GAP43: variants seen among roughly 807,000 people sequenced by gnomAD.
GAP43 encodes the protein growth associated protein 43.
A neutral mutation model predicts 18.6 loss-of-function variants in GAP43; 6 were observed. The observed-to-expected ratio is 0.32, with a 90% CI of 0.18 to 0.64. The LOEUF is 0.64. GAP43 is among the 30% of genes least tolerant of loss of function. GAP43 has a pLI of 0.78. For synonymous variants in GAP43, 115 were observed against 111.4 expected (o/e 1.03, Z -0.20); for missense variants, 292 against 295.5 (o/e 0.99, Z 0.09).
chr3:115,707,242 A>G (rs1478182646), intron 2 of GAP43, among the ~76,000 whole-genome samples: 1 of 152,194 alleles, frequency 6.6e-6, no homozygotes, highest in Non-Finnish European at 1.5e-5. Context: ...GTGAGAGGTT[A>G]AGTAATTTAC....
chr3:115,640,757 A>G (rs1180429352), intron 1 of GAP43, among the ~76,000 whole-genome samples: 1 of 152,106 alleles, frequency 6.6e-6, no homozygotes, highest in East Asian at 1.9e-4. Flanking sequence ...TCAAGAGGTC[A>G]GGTCTATGTT....
At chr3:115,719,709 T>G (rs1709553703) in intron 2 of GAP43, among the ~76,000 whole-genome samples, 1 of 152,210 alleles carries the variant, frequency 6.6e-6, no homozygotes, top group Non-Finnish European at 1.5e-5. Context: ...TGCTTTGTGT[T>G]TTTTCGCTGC....
intron 2 of GAP43, among the ~76,000 whole-genome samples, chr3:115,714,873 GCACACA>G (rs111292409): frequency 6.6e-6 from 1 of 150,390 alleles, no homozygotes; most frequent in African/African-American, 2.4e-5. Flanking sequence ...GTGTGCGCGT[GCACACA>G]CACACACACA....
intron 2 of GAP43, among the ~76,000 whole-genome samples, chr3:115,697,931 C>T (rs527722148): frequency 2.1e-5 from 3 of 143,992 alleles, no homozygotes; most frequent in South Asian, 2.2e-4. Flanking sequence ...TTTTCCCATG[C>T]GGGAGCATTT....
At chr3:115,687,684 G>A (rs969977950) in intron 2 of GAP43, among the ~76,000 whole-genome samples, 68 of 152,170 alleles carry the variant, frequency 4.5e-4, no homozygotes, top group African/African-American at 1.6e-3. Flanking sequence ...CTAGGATTGG[G>A]GTCCTATCTC....
At position 115,676,418 on chromosome 3, in the gene GAP43, G is replaced by T. The variant is rs1428631877; in HGVS notation, c.436G>T (p.Ala146Ser). The T allele has an allele frequency of 1.2e-5, 19 of 1,613,892 alleles. No homozygotes were observed. The highest frequency in any genetic ancestry group is 1.5e-5 in the Non-Finnish European group (18 of 1,179,944). Residue 146 changes from alanine (A) to serine (S), a missense_variant, in exon 2 of 3, where the codon GCT becomes TCT. By Grantham distance (99) the Ala-to-Ser change is moderately conservative. Transcript: ENST00000305124. ...GSAETESATK[A>S]STDNSPSSKA... ...AGCTGAGACAGAAAGTGCCACTAAAGCTTCCACTGATAACTCGCCGTCCTC... is the reference window on the plus strand; with the variant it reads ...AGCTGAGACAGAAAGTGCCACTAAATCTTCCACTGATAACTCGCCGTCCTC...
chr3:115,718,293 G>A (rs1170534624), intron 2 of GAP43, among the ~76,000 whole-genome samples: 1 of 152,108 alleles, frequency 6.6e-6, no homozygotes, highest in Non-Finnish European at 1.5e-5. Flanking sequence ...AAACTACCTT[G>A]GGCATACTTG....
chr3:115,654,548 G>C (rs902986799), intron 1 of GAP43, among the ~76,000 whole-genome samples: 13 of 152,066 alleles, frequency 8.5e-5, no homozygotes, highest in African/African-American at 2.7e-4. Flanking sequence ...CTGCCTTCCT[G>C]GGGCACAACG....
intron 2 of GAP43, among the ~76,000 whole-genome samples, chr3:115,695,261 G>A (rs573829461): frequency 6.6e-6 from 1 of 152,292 alleles, no homozygotes; most frequent in South Asian, 2.1e-4. Context: ...AATGGAATGT[G>A]ACACACCCTT....
chr3:115,663,044 A>T (rs1272369092), intron 1 of GAP43, among the ~76,000 whole-genome samples: 1 of 152,188 alleles, frequency 6.6e-6, no homozygotes, highest in African/African-American at 2.4e-5. Flanking sequence ...CTCCCTGCAG[A>T]ACCACAAAGT....
chr3:115,711,389 A>C (rs1277946966), intron 2 of GAP43, among the ~76,000 whole-genome samples: 1 of 152,170 alleles, frequency 6.6e-6, no homozygotes, highest in African/African-American at 2.4e-5. Context: ...ATTTATGGCA[A>C]GCTCACAAGA....
At chr3:115,698,298 T>TA (rs1559804554) in intron 2 of GAP43, among the ~76,000 whole-genome samples, 2 of 62,494 alleles carry the variant, frequency 3.2e-5, no homozygotes, top group African/African-American at 1.2e-4. Flanking sequence ...ATATATATAT[T>TA]ATATATAAAA....
At position 115,623,623 on chromosome 3, in the gene GAP43, G is replaced by A. The variant is rs975544658; in HGVS notation, c.-67G>A. 22 of 1,593,820 alleles carry A rather than the reference G, an allele frequency of 1.4e-5. No individual in the cohort carries two copies. The highest frequency in any genetic ancestry group is 3.3e-5 in the Admixed American group (2 of 59,838). On this transcript the variant is annotated 5_prime_UTR_variant, in exon 1 of 3. Transcript: ENST00000305124. The stretch of plus-strand genomic sequence containing the variant: ...AAGCGAGCAGAAAAGAGGTGGAGAG[G>A]GGGGGAATAAGAAAGAGAGAGAAGG...
intron 1 of GAP43, among the ~76,000 whole-genome samples, chr3:115,673,425 TAG>T (rs1481911183): frequency 1.3e-5 from 2 of 152,184 alleles, no homozygotes; most frequent in Admixed American, 1.3e-4. Flanking sequence ...CTTGAGTCAC[TAG>T]AGAGTCTTTT....
At chr3:115,695,175 G>C (rs1291166989) in intron 2 of GAP43, among the ~76,000 whole-genome samples, 1 of 152,148 alleles carries the variant, frequency 6.6e-6, no homozygotes, top group Non-Finnish European at 1.5e-5. Context: ...TTAGTGCTTG[G>C]AAAACCTTAA....
At chr3:115,709,762 T>C (rs2918078) in intron 2 of GAP43, among the ~76,000 whole-genome samples, 82,771 of 151,824 alleles carry the variant, frequency 0.55, 23,286 homozygotes, top group East Asian at 0.73. Flanking sequence ...ATCAGTCATA[T>C]TGTAACTGTC....
chr3:115,661,830 G>GTTTTTTTTTTTTTTT (rs1576986136), intron 1 of GAP43, among the ~76,000 whole-genome samples: 2 of 28,650 alleles, frequency 7.0e-5, no homozygotes, highest in Admixed American at 4.7e-4. Context: ...AGAAACTAGG[G>GTTTTTTTTTTTTTTT]CTTTTTTTTT....
At chr3:115,716,755 T>TAC (rs1709511168) in intron 2 of GAP43, among the ~76,000 whole-genome samples, 1 of 115,758 alleles carries the variant, frequency 8.6e-6, no homozygotes, top group African/African-American at 3.9e-5. Flanking sequence ...TATATATATA[T>TAC]ATATATATAT....
intron 2 of GAP43, among the ~76,000 whole-genome samples, chr3:115,699,169 G>A (rs574481618): frequency 5.3e-5 from 8 of 152,258 alleles, no homozygotes; most frequent in Admixed American, 2.6e-4. Context: ...TTCTACCTCC[G>A]CTATTCATCT....
Sources: gnomAD v4.1 joint callset for allele counts (sites outside exome capture counted in the v4.1 genomes callset) on GRCh38, gnomAD v4.1.1 for gene constraint, MANE v1.5 for transcripts, NCBI Gene and HGNC (gene_info 2026-07-23, HGNC 2026-07-21) for gene names.